Variants in RABEP1 observed in about 807,000 individuals in gnomAD.
RABEP1 encodes rab GTPase-binding effector protein 1.
In RABEP1, 51 loss-of-function variants were observed where a neutral mutation model predicts 123.4. The observed-to-expected ratio is 0.41, with a 90% CI of 0.33 to 0.52. The LOEUF (loss-of-function observed/expected upper bound fraction) is 0.52, where lower values mean the gene tolerates loss of function less well. Ranked by LOEUF, RABEP1 falls within the 20% of genes least tolerant of loss-of-function variation. The probability of loss-of-function intolerance (pLI) is 0.16; values close to 1 mark genes in which losing one functional copy is unlikely to be tolerated. For missense variants in RABEP1, 888 were observed against 996.3 expected, an observed-to-expected ratio of 0.89 and a Z score of 1.46; for synonymous variants, 347 against 355.2, an observed-to-expected ratio of 0.98 and a Z score of 0.26.
intron 1 of RABEP1, among the ~76,000 whole-genome samples, chr17:5,302,243 C>CTTTTTTTTTTTTTTT (rs1567869348): frequency 4.6e-5 from 1 of 21,568 alleles, no homozygotes; most frequent in African/African-American, 3.0e-4. Flanking sequence ...TTACTGAAAA[C>CTTTTTTTTTTTTTTT]ATTTTTTTTT....
intron 6 of RABEP1, among the ~76,000 whole-genome samples, chr17:5,348,207 G>A (rs960459844): frequency 6.6e-6 from 1 of 152,204 alleles, no homozygotes; most frequent in Non-Finnish European, 1.5e-5. Flanking sequence ...TTGAACTCCT[G>A]ACCTCAGGTG....
intron 2 of RABEP1, among the ~76,000 whole-genome samples, chr17:5,318,207 T>C (rs1224903232): frequency 1.3e-5 from 2 of 152,206 alleles, no homozygotes; most frequent in East Asian, 3.8e-4. Flanking sequence ...TTTTGAAGCT[T>C]ACAATTGATA....
chr17:5,320,739 A>G (rs1172207157), intron 2 of RABEP1, among the ~76,000 whole-genome samples: 1 of 152,176 alleles, frequency 6.6e-6, no homozygotes, highest in African/African-American at 2.4e-5. Flanking sequence ...GTTTTTTGTA[A>G]GCCTTGTGAT....
At chr17:5,324,697 G>A (rs80075981) in intron 2 of RABEP1, among the ~76,000 whole-genome samples, 25,597 of 152,178 alleles carry the variant, frequency 0.17, 2,245 homozygotes, top group Middle Eastern at 0.22. Context: ...TACAATGTAT[G>A]AAGAAGATTT....
chr17:5,317,538 T>C (rs1166829916), intron 2 of RABEP1, among the ~76,000 whole-genome samples: 1 of 151,994 alleles, frequency 6.6e-6, no homozygotes, highest in East Asian at 1.9e-4. Context: ...TGACCACTTC[T>C]GTTCAACATC....
intron 15 of RABEP1, among the ~76,000 whole-genome samples, chr17:5,379,072 A>T (rs1032622408): frequency 6.6e-6 from 1 of 152,078 alleles, no homozygotes; most frequent in African/African-American, 2.4e-5. Context: ...AGTGTTCCTC[A>T]TGCAGCCTTT....
intron 5 of RABEP1, 41 bp from the exon 6 acceptor site, chr17:5,346,749 T>A (rs369222009): frequency 6.9e-7 from 1 of 1,453,820 alleles, no homozygotes; most frequent in African/African-American, 1.4e-5. Context: ...AGATAGAAAC[T>A]GTTGTAAATT....
intron 11 of RABEP1, among the ~76,000 whole-genome samples, chr17:5,366,573 G>A (rs1018248653): frequency 6.6e-6 from 1 of 151,972 alleles, no homozygotes; most frequent in African/African-American, 2.4e-5. Context: ...AGCCTCCTGA[G>A]TAGCTGGGAT....
At chr17:5,331,473 A>C (rs892546047) in intron 2 of RABEP1, among the ~76,000 whole-genome samples, 2 of 152,194 alleles carry the variant, frequency 1.3e-5, no homozygotes, top group African/African-American at 4.8e-5. Flanking sequence ...AAAGATGGTA[A>C]GAGGGAGCCG....
intron 4 of RABEP1, among the ~76,000 whole-genome samples, chr17:5,336,982 G>T (rs923037367): frequency 6.6e-6 from 1 of 152,164 alleles, no homozygotes; most frequent in Non-Finnish European, 1.5e-5. Context: ...TAAATTCAGT[G>T]AATTAGGTTT....
At chr17:5,375,971 CA>C (rs1256739394) in intron 13 of RABEP1, among the ~76,000 whole-genome samples, 1 of 152,044 alleles carries the variant, frequency 6.6e-6, no homozygotes, top group Non-Finnish European at 1.5e-5. Context: ...CTTCTGGGTT[CA>C]AGCAATTCTC....
At chr17:5,296,432 T>G (rs1455251046) in intron 1 of RABEP1, among the ~76,000 whole-genome samples, 1 of 151,964 alleles carries the variant, frequency 6.6e-6, no homozygotes, top group Admixed American at 6.6e-5. Flanking sequence ...CCCGGCTAAT[T>G]TTGTATTTTT....
intron 1 of RABEP1, among the ~76,000 whole-genome samples, chr17:5,301,103 G>A (rs2075131653): frequency 1.3e-5 from 2 of 152,164 alleles, no homozygotes; most frequent in African/African-American, 4.8e-5. Flanking sequence ...GACCTTACAG[G>A]AAACTTGCCT....
intron 7 of RABEP1, among the ~76,000 whole-genome samples, chr17:5,351,896 A>G (rs1390517999): frequency 6.6e-6 from 1 of 151,886 alleles, no homozygotes; most frequent in Non-Finnish European, 1.5e-5. Flanking sequence ...GATGCACCAT[A>G]TTGATTTACC....
At chr17:5,320,421 CAAAAAAAAAA>C (rs60202531) in intron 2 of RABEP1, among the ~76,000 whole-genome samples, 3 of 84,654 alleles carry the variant, frequency 3.5e-5, no homozygotes, top group Non-Finnish European at 2.3e-5. Flanking sequence ...GCTAACACAC[CAAAAAAAAAA>C]AAAAAAAAAA....
intron 1 of RABEP1, among the ~76,000 whole-genome samples, chr17:5,291,859 T>C (rs1342213948): frequency 2.6e-5 from 4 of 152,114 alleles, no homozygotes; most frequent in Non-Finnish European, 5.9e-5. Context: ...GATCTGAGAT[T>C]GAGCCACTGC....
chr17:5,352,091 T>A (rs1194743035), intron 7 of RABEP1, among the ~76,000 whole-genome samples: 1 of 152,220 alleles, frequency 6.6e-6, no homozygotes, highest in African/African-American at 2.4e-5. Flanking sequence ...GTGACTTAGG[T>A]TAGATTTTGT....
intron 13 of RABEP1, among the ~76,000 whole-genome samples, chr17:5,374,566 A>C (rs1248904676): frequency 2.0e-5 from 3 of 151,938 alleles, no homozygotes. Context: ...CCTCCCGAGT[A>C]GCTGGGATTA....
rs1350518676 is a variant in RABEP1, at chr17:5,375,631, A to G, written c.2026-1485A>G. 2.0e-5 allele frequency among the ~76,000 whole-genome samples: 3 copies of G among 152,086 alleles called. No individual in the cohort carries two copies. In the East Asian group the frequency reaches 5.8e-4, roughly 29 times the overall value. ...GAGGTGGGAGGGGTCGCCTGAGCCC[A>G]GGAGGTCAAAGCTGCAGTGAGCTGA... On this transcript the variant is annotated intron_variant, in intron 13 of 17. Transcript: ENST00000537505.
Sources: allele counts gnomAD v4.1 joint callset (sites outside exome capture counted in the v4.1 genomes callset), GRCh38; gene constraint gnomAD v4.1.1; transcripts MANE v1.5; gene names NCBI Gene and HGNC (gene_info 2026-07-23, HGNC 2026-07-21).